DPP10: variants seen among roughly 807,000 people sequenced by gnomAD.
DPP10 encodes the protein inactive dipeptidyl peptidase 10.
DPP10 carries 33 observed loss-of-function variants against 120.9 expected under a neutral mutation model. The ratio of observed to expected loss-of-function variants is 0.27; its 90% CI spans 0.21 to 0.37. The LOEUF (loss-of-function observed/expected upper bound fraction) is 0.37. DPP10 is among the 10% of genes least tolerant of loss of function. DPP10 has a pLI of 1.00. For missense variants in DPP10, 816 were observed against 942.8 expected (o/e 0.87, Z 1.76); for synonymous variants, 337 against 326.1 (o/e 1.03, Z -0.36).
At chr2:115,286,509 AT>A (rs2060390799) in intron 1 of DPP10, among the ~76,000 whole-genome samples, 1 of 30,738 alleles carries the variant, frequency 3.3e-5, no homozygotes, top group Non-Finnish European at 8.2e-5. Context: ...TATATTACAT[AT>A]ATAATATATA....
chr2:115,751,650 C>T (rs964628827), intron 10 of DPP10, among the ~76,000 whole-genome samples: 4 of 152,046 alleles, frequency 2.6e-5, no homozygotes, highest in Admixed American at 6.6e-5. Context: ...AGTAGCTACT[C>T]GGTAATGTTA....
chr2:114,979,320 A>T (rs531111576), intron 1 of DPP10, among the ~76,000 whole-genome samples: 1 of 152,112 alleles, frequency 6.6e-6, no homozygotes, highest in South Asian at 2.1e-4. Flanking sequence ...AAATCTTAAA[A>T]TTTTTAAAAT....
At chr2:115,806,293 C>G (rs1304612916) in intron 19 of DPP10, among the ~76,000 whole-genome samples, 1 of 152,086 alleles carries the variant, frequency 6.6e-6, no homozygotes, top group Non-Finnish European at 1.5e-5. Context: ...ATTGTGTTCT[C>G]TCAAAAAACT....
intron 1 of DPP10, among the ~76,000 whole-genome samples, chr2:114,694,668 A>T (rs148684289): frequency 0.015 from 2,290 of 152,176 alleles, 54 homozygotes; most frequent in African/African-American, 0.052. Flanking sequence ...GATCTAACAC[A>T]TGTTCATGGA....
At chr2:115,800,337 C>T (rs1443505984) in intron 19 of DPP10, among the ~76,000 whole-genome samples, 3 of 151,616 alleles carry the variant, frequency 2.0e-5, no homozygotes, top group African/African-American at 7.3e-5. Flanking sequence ...GGATATTAGC[C>T]CTTTGTCAGA....
chr2:114,886,397 A>G (rs1177419306), intron 1 of DPP10, among the ~76,000 whole-genome samples: 1 of 152,186 alleles, frequency 6.6e-6, no homozygotes, highest in African/African-American at 2.4e-5. Context: ...AAATATTTGA[A>G]TCTCATGTTG....
At chr2:115,436,473 A>G (rs1199944602) in intron 3 of DPP10, among the ~76,000 whole-genome samples, 2 of 151,902 alleles carry the variant, frequency 1.3e-5, no homozygotes, top group African/African-American at 2.4e-5. Flanking sequence ...GACATAATTT[A>G]AAGATTAAAA....
At chr2:114,746,026 C>T (rs1157055261) in intron 1 of DPP10, among the ~76,000 whole-genome samples, 1 of 152,188 alleles carries the variant, frequency 6.6e-6, no homozygotes, top group Non-Finnish European at 1.5e-5. Context: ...AACAATGTGC[C>T]TTGCTGTTAG....
chr2:115,106,672 A>G (rs1240184906), intron 1 of DPP10, among the ~76,000 whole-genome samples: 1 of 151,940 alleles, frequency 6.6e-6, no homozygotes, highest in Non-Finnish European at 1.5e-5. Flanking sequence ...CTTGTTGCCC[A>G]GGTCTGATCT....
chr2:114,750,697 T>C (rs1679133788), intron 1 of DPP10, among the ~76,000 whole-genome samples: 1 of 152,138 alleles, frequency 6.6e-6, no homozygotes, highest in Non-Finnish European at 1.5e-5. Flanking sequence ...AGTCGTTGGG[T>C]AGATGCCAGC....
At chr2:114,757,093 AAGGAAGGAAGG>A (rs1299971944) in intron 1 of DPP10, among the ~76,000 whole-genome samples, 1 of 148,740 alleles carries the variant, frequency 6.7e-6, no homozygotes, top group African/African-American at 2.5e-5. Flanking sequence ...AGAGGGAGTA[AAGGAAGGAAGG>A]AGGAAGGGAG....
chr2:115,532,436 C>G (rs972859943), intron 5 of DPP10, among the ~76,000 whole-genome samples: 5 of 151,874 alleles, frequency 3.3e-5, no homozygotes, highest in African/African-American at 1.2e-4. Flanking sequence ...TGTGTATTTT[C>G]CTATTTATTT....
chr2:114,621,697 A>G (rs1458100555), intron 1 of DPP10, among the ~76,000 whole-genome samples: 2 of 151,798 alleles, frequency 1.3e-5, no homozygotes, highest in Non-Finnish European at 2.9e-5. Context: ...CTCTCCTTGT[A>G]CCTCTCAAAA....
At chr2:114,580,327 A>G (rs1487619125) in intron 1 of DPP10, among the ~76,000 whole-genome samples, 3 of 152,230 alleles carry the variant, frequency 2.0e-5, no homozygotes, top group African/African-American at 7.2e-5. Flanking sequence ...ATTAATGGTT[A>G]CTTTCTATTC....
intron 1 of DPP10, among the ~76,000 whole-genome samples, chr2:115,274,545 T>A (rs1255838046): frequency 1.3e-5 from 2 of 152,170 alleles, no homozygotes; most frequent in East Asian, 3.9e-4. Context: ...TGCCAAAAGT[T>A]CTAATAAAAA....
intron 1 of DPP10, among the ~76,000 whole-genome samples, chr2:114,625,413 A>G (rs1049468953): frequency 3.9e-5 from 6 of 151,966 alleles, no homozygotes; most frequent in Non-Finnish European, 5.9e-5. Context: ...GAGGCACACT[A>G]TGTTATTTGA....
chr2:114,691,858 T>C (rs1414659730), intron 1 of DPP10, among the ~76,000 whole-genome samples: 2 of 151,842 alleles, frequency 1.3e-5, no homozygotes, highest in African/African-American at 4.8e-5. Context: ...AGATTTTCTA[T>C]TTTATGTGCG....
intron 1 of DPP10, among the ~76,000 whole-genome samples, chr2:114,794,423 C>T (rs1683515826): frequency 2.0e-5 from 3 of 152,124 alleles, no homozygotes; most frequent in Admixed American, 6.5e-5. Context: ...CGAGGGTGTT[C>T]CGTTCCATTG....
chr2:114,789,640 C>G (rs987292220), intron 1 of DPP10, among the ~76,000 whole-genome samples: 3 of 152,048 alleles, frequency 2.0e-5, no homozygotes, highest in African/African-American at 7.2e-5. Flanking sequence ...ATTTGCAGAG[C>G]CTGAAGTACG....
Sources: allele counts gnomAD v4.1 joint callset (sites outside exome capture counted in the v4.1 genomes callset), GRCh38; gene constraint gnomAD v4.1.1; transcripts MANE v1.5; gene names NCBI Gene and HGNC (gene_info 2026-07-23, HGNC 2026-07-21).